ARVCF: variants seen among roughly 807,000 people sequenced by gnomAD.
ARVCF encodes splicing regulator ARVCF.
Under a neutral mutation model 90.9 loss-of-function variants are expected in ARVCF, and 66 were observed. The observed-to-expected ratio is 0.73, with a 90% confidence interval of 0.60 to 0.89. The LOEUF (loss-of-function observed/expected upper bound fraction) is 0.89, where lower values mean the gene tolerates loss of function less well. Among genes scored for constraint, ARVCF ranks in the 40% least tolerant of loss-of-function variants. ARVCF has a pLI of 0.00. For missense variants in ARVCF, 1,469 were observed against 1,382.3 expected, an observed-to-expected ratio of 1.06 and a Z score of -1.00; for synonymous variants, 653 against 603.4, an observed-to-expected ratio of 1.08 and a Z score of -1.21.
In ARVCF at chr22:19,979,076, G is replaced by T; in HGVS notation, c.1401C>A (p.Thr467=). The change falls in exon 7 of 20, where the codon ACC becomes ACA. Residue 467 remains threonine, a synonymous_variant. Coordinates refer to ENST00000263207, the MANE Select transcript of ARVCF (RefSeq NM_001670.3). The part of the protein sequence containing the change: ...DNEVRELVTG[T]LWNLSSYEPL... ...GCTCATAGGATGACAGGTTCCACAG[G>T]GTGCCTGTGGGGTGCGATTGGCCAA... The T allele has an allele frequency of 6.2e-7, 1 of 1,611,478 alleles. No homozygotes were observed. Among genetic ancestry groups the T allele is most frequent in the Admixed American group, 1.7e-5 (1 of 59,926 alleles).
chr22:19,967,619 G>A (rs1942488889), downstream of ARVCF: 2 of 331,318 alleles, frequency 6.0e-6, no homozygotes, highest in East Asian at 1.7e-4. Flanking sequence ...GCCCATCCCA[G>A]AGGCATGTGG....
chr22:19,997,587 C>A (rs898575974), intron 2 of ARVCF, among the ~76,000 whole-genome samples: 1 of 152,208 alleles, frequency 6.6e-6, no homozygotes, highest in Non-Finnish European at 1.5e-5. Flanking sequence ...GTGGGTGGTC[C>A]TGCAGACTCC....
chr22:19,987,048 C>G (rs757822923), intron 3 of ARVCF: 2 of 652,454 alleles, frequency 3.1e-6, no homozygotes, highest in Admixed American at 4.7e-5. Context: ...GGGCCAGGGT[C>G]CCCCCAAGCC....
intron 2 of ARVCF, among the ~76,000 whole-genome samples, chr22:20,000,088 C>CA (rs1944391887): frequency 6.6e-6 from 1 of 152,208 alleles, no homozygotes; most frequent in Non-Finnish European, 1.5e-5. Context: ...AGGTGCTCCT[C>CA]ACTGTACCCT....
At position 20,012,089 on chromosome 22, in the gene ARVCF, C is replaced by CA. The variant is rs1213215001; in HGVS notation, c.-72-1582_-72-1581insT. ...CCAGGCCTCCCAAAGTCCCCCCCCC[C>CA]CACCCAGTTGGGGAAGTGTGACCAA... On this transcript the variant is annotated intron_variant, in intron 1 of 19. Coordinates refer to ENST00000263207, the MANE Select transcript of ARVCF (RefSeq NM_001670.3). Among the ~76,000 whole-genome samples, 27 of 144,220 alleles carry CA rather than the reference C, an allele frequency of 1.9e-4. No individual in the cohort carries two copies. The East Asian group carries it at 4.1e-3, about 22-fold the overall frequency. 94.6% of individuals were successfully genotyped at this position (144,220 alleles called of 152,430 possible). A position where few individuals can be genotyped will look rare whatever the true frequency, so the allele number is the denominator to read the frequency against.
intron 3 of ARVCF, among the ~76,000 whole-genome samples, chr22:19,983,051 T>C (rs1037457523): frequency 3.9e-5 from 6 of 152,214 alleles, no homozygotes; most frequent in South Asian, 2.1e-4. Flanking sequence ...CTGAGTGGCT[T>C]GAGGACCTAA....
intron 11 of ARVCF, 63 bp downstream of exon 11, chr22:19,975,623 T>C (rs933727662): frequency 1.0e-5 from 16 of 1,592,950 alleles, no homozygotes; most frequent in Middle Eastern, 3.3e-4. Flanking sequence ...AAAGCTTCAC[T>C]ACCAGGGCAA....
intron 2 of ARVCF, among the ~76,000 whole-genome samples, chr22:19,999,315 G>A (rs2146433259): frequency 6.6e-6 from 1 of 152,302 alleles, no homozygotes; most frequent in East Asian, 1.9e-4. Context: ...GGGTGGGGTT[G>A]GGGTGGGGAT....
rs370945295 is a variant in ARVCF, at chr22:19,981,666, G to C, written c.441C>G (p.Pro147=). Residue 147 remains proline (P), a synonymous_variant, in exon 5 of 20, where the codon CCC becomes CCG. Transcript: ENST00000263207. ...CTAGTGGGGGGCCGCCATCCAGCAG[G>C]GGGAGTCCATCTGGGCCCACGGGCA... The part of the protein sequence containing the change: ...RQVPVGPDGL[P]LLDGGPPLGP... 5.0e-5 allele frequency: 80 copies of C among 1,607,932 alleles called. No homozygotes were observed. Among genetic ancestry groups the C allele is most frequent in the Non-Finnish European group, 7.6e-6 (9 of 1,178,060 alleles).
At chr22:20,011,688 C>T (rs935444559) in intron 1 of ARVCF, among the ~76,000 whole-genome samples, 5 of 152,262 alleles carry the variant, frequency 3.3e-5, no homozygotes, top group South Asian at 4.1e-4. Context: ...TGGGCAGGCC[C>T]GGTTGGGAGC....
chr22:19,971,842 CG>C, intron 18 of ARVCF, 43 bp downstream of exon 18: 1 of 1,601,718 alleles, frequency 6.2e-7, no homozygotes, highest in Non-Finnish European at 8.5e-7. Context: ...CCCCTAGACA[CG>C]GGGCCTCACC....
intron 8 of ARVCF, 134 bp from the exon 9 acceptor site, chr22:19,977,720 A>C: frequency 1.6e-6 from 2 of 1,276,990 alleles, no homozygotes; most frequent in Non-Finnish European, 1.0e-6. Flanking sequence ...GAGGGGAGCA[A>C]AAGGGCGGTA....
intron 2 of ARVCF, among the ~76,000 whole-genome samples, chr22:19,993,871 A>T (rs956313534): frequency 2.0e-5 from 3 of 152,196 alleles, no homozygotes; most frequent in Non-Finnish European, 4.4e-5. Flanking sequence ...GTGACGACCC[A>T]GCCCCCACCC....
intron 1 of ARVCF, among the ~76,000 whole-genome samples, chr22:20,012,592 C>CA (rs1249407354): frequency 6.6e-6 from 1 of 152,258 alleles, no homozygotes; most frequent in African/African-American, 2.4e-5. Flanking sequence ...GGGGAATGAC[C>CA]ACGCCCTTTA....
chr22:19,974,300 C>T (rs1943025476), intron 11 of ARVCF, 61 bp from the exon 12 acceptor site: 1 of 1,509,556 alleles, frequency 6.6e-7, no homozygotes, highest in Admixed American at 2.1e-5. Context: ...CATCATACCC[C>T]TCCCGCTTCC....
rs1054665053 is a variant in ARVCF at position 19,980,508 on chromosome 22, T to C, written c.897-266A>G. ...CCAGGACAGCAAACTCACTCACTGCTGTCACCGGGCAGTTTCCCAATCCCG... is the reference window on the plus strand; with the variant it reads ...CCAGGACAGCAAACTCACTCACTGCCGTCACCGGGCAGTTTCCCAATCCCG... On this transcript the variant is annotated intron_variant, in intron 5 of 19. Coordinates refer to ENST00000263207, the MANE Select transcript of ARVCF (RefSeq NM_001670.3). The C allele has an allele frequency of 1.9e-5, 8 of 431,834 alleles. No homozygotes were observed. In the South Asian group the frequency reaches 7.0e-4, roughly 38 times the overall value. 26.8% of individuals were successfully genotyped at this position (431,834 alleles called of 1,614,324 possible).
At position 19,979,846 on chromosome 22, in the gene ARVCF, G is replaced by C. The variant is rs368928750; in HGVS notation, c.1293C>G (p.Arg431=). The change falls in exon 6 of 20, where the codon CGC becomes CGG. Residue 431 remains arginine (R), a synonymous_variant. Coordinates refer to ENST00000263207, the MANE Select transcript of ARVCF (RefSeq NM_001670.3). The stretch of plus-strand genomic sequence containing the variant: ...GGATGGCGGCCTTGTTGTCAGTGTC[G>C]CGGCCATAGGAGAGGTTGCGCAGTG... ...CGALRNLSYG[R]DTDNKAAIRD... The C allele has an allele frequency of 6.2e-7, 1 of 1,608,946 alleles. No homozygotes were observed. The highest frequency in any genetic ancestry group is 8.5e-7 in the Non-Finnish European group (1 of 1,178,618).
At chr22:19,981,143 T>A (rs1256699356) in intron 5 of ARVCF, 68 bp downstream of exon 5, 2 of 1,452,042 alleles carry the variant, frequency 1.4e-6, no homozygotes, top group Non-Finnish European at 1.8e-6. Context: ...AGTGGGGCAC[T>A]CTGTAGTTGG....
At chr22:19,987,182 A>G in intron 3 of ARVCF, 1 of 419,910 alleles carries the variant, frequency 2.4e-6, no homozygotes, top group South Asian at 5.5e-5. Flanking sequence ...GCTCGGGCTC[A>G]GGCTCGGCGG....
Sources: gnomAD v4.1 joint callset for allele counts (sites outside exome capture counted in the v4.1 genomes callset) on GRCh38, gnomAD v4.1.1 for gene constraint, MANE v1.5 for transcripts, NCBI Gene and HGNC (gene_info 2026-07-23, HGNC 2026-07-21) for gene names.